CCDC125: variants seen among roughly 807,000 people sequenced by gnomAD.
CCDC125 encodes the protein coiled-coil domain-containing protein 125.
CCDC125 carries 43 observed loss-of-function variants against 57.4 expected under a neutral mutation model. The ratio of observed to expected loss-of-function variants is 0.75; its 90% CI spans 0.59 to 0.97. The LOEUF (loss-of-function observed/expected upper bound fraction) is 0.97, where lower values mean the gene tolerates loss of function less well. CCDC125 is among the 50% of genes least tolerant of loss of function. CCDC125 has a pLI of 0.00. For synonymous variants in CCDC125, 187 were observed against 195.2 expected, an observed-to-expected ratio of 0.96 and a Z score of 0.35; for missense variants, 563 against 595.7, an observed-to-expected ratio of 0.95 and a Z score of 0.57.
intron 3 of CCDC125, chr5:69,313,273 C>T (rs1381986909): frequency 1.7e-6 from 1 of 572,856 alleles, no homozygotes; most frequent in Non-Finnish European, 3.2e-6. Context: ...TGCTGGGATT[C>T]CCCCAGCCCC....
chr5:69,274,133 G>A, the CCDC125 span, among the ~76,000 whole-genome samples: 6 of 152,158 alleles, frequency 3.9e-5, no homozygotes, highest in South Asian at 1.2e-3. Flanking sequence ...CTAGAAAGTT[G>A]TTTTCATTGG....
At chr5:69,321,059 C>T (rs1410256190) in intron 1 of CCDC125, among the ~76,000 whole-genome samples, 3 of 152,068 alleles carry the variant, frequency 2.0e-5, no homozygotes, top group Non-Finnish European at 4.4e-5. Context: ...TCAAAGGGCA[C>T]AAAGTCCTAG....
At chr5:69,321,126 A>G (rs987058455) in intron 1 of CCDC125, among the ~76,000 whole-genome samples, 2 of 152,194 alleles carry the variant, frequency 1.3e-5, no homozygotes, top group Non-Finnish European at 2.9e-5. Flanking sequence ...CATGGTGAAT[A>G]TAACAAAAAT....
intron 9 of CCDC125, among the ~76,000 whole-genome samples, chr5:69,294,522 A>G (rs1755008566): frequency 6.6e-6 from 1 of 152,090 alleles, no homozygotes; most frequent in Non-Finnish European, 1.5e-5. Context: ...TAAACTCCTG[A>G]CCTCAGGTGA....
chr5:69,275,732 G>GGGAGGC (rs1468671388), downstream of CCDC125, among the ~76,000 whole-genome samples: 13 of 152,182 alleles, frequency 8.5e-5, no homozygotes, highest in African/African-American at 3.1e-4. Flanking sequence ...CTAGCTCTTA[G>GGGAGGC]GGAGGCGGAG....
intron 3 of CCDC125, among the ~76,000 whole-genome samples, chr5:69,311,763 T>A (rs1266165721): frequency 6.7e-6 from 1 of 149,290 alleles, no homozygotes; most frequent in Non-Finnish European, 1.5e-5. Flanking sequence ...AGACAGAGTC[T>A]CACTCTGTCA....
At chr5:69,279,636 G>A (rs1458418738), downstream of CCDC125, among the ~76,000 whole-genome samples, 1 of 152,132 alleles carries the variant, frequency 6.6e-6, no homozygotes, top group Non-Finnish European at 1.5e-5. Flanking sequence ...GACAGCAGCA[G>A]TGCATCAAAC....
At chr5:69,316,569 C>CT (rs561877827) in intron 2 of CCDC125, among the ~76,000 whole-genome samples, 2 of 152,152 alleles carry the variant, frequency 1.3e-5, no homozygotes, top group East Asian at 3.9e-4. Flanking sequence ...TTATTTGGGA[C>CT]TTTTTTTCCC....
intron 7 of CCDC125, 57 bp downstream of exon 7, chr5:69,303,790 A>T: frequency 1.0e-6 from 1 of 1,003,772 alleles, no homozygotes; most frequent in Non-Finnish European, 1.5e-6. Flanking sequence ...TTATTTCAAA[A>T]TACTAGCATG....
At chr5:69,318,419 C>G (rs751799784) in intron 2 of CCDC125, among the ~76,000 whole-genome samples, 16 of 151,766 alleles carry the variant, frequency 1.1e-4, no homozygotes, top group Non-Finnish European at 1.8e-4. Flanking sequence ...TGCACTCCAC[C>G]TTAGTGACAC....
At chr5:69,299,904 A>C in intron 8 of CCDC125, 108 bp downstream of exon 8, 1 of 901,798 alleles carries the variant, frequency 1.1e-6, no homozygotes, top group Non-Finnish European at 1.8e-6. Flanking sequence ...TCCCATCCTC[A>C]AATTGCTAAG....
At chr5:69,299,172 C>A (rs559752773) in intron 8 of CCDC125, among the ~76,000 whole-genome samples, 2 of 150,890 alleles carry the variant, frequency 1.3e-5, no homozygotes, top group Non-Finnish European at 2.9e-5. Context: ...TGCAGTGGCG[C>A]GATCTCGGCT....
At chr5:69,291,008 T>G (rs775148082) in intron 10 of CCDC125, among the ~76,000 whole-genome samples, 4 of 152,200 alleles carry the variant, frequency 2.6e-5, no homozygotes, top group Non-Finnish European at 5.9e-5. Flanking sequence ...TGTATTAGTC[T>G]TTCTAAATTC....
rs1760081730 is a variant in CCDC125 at position 69,321,904 on chromosome 5, T to C, written c.-40-1324A>G. Among the ~76,000 whole-genome samples the C allele has an allele frequency of 2.0e-5, 3 of 152,152 alleles. No homozygotes were observed. The South Asian group carries it at 6.2e-4, about 32-fold the overall frequency. Reference sequence around the variant, plus strand: ...CAGGCTAGAGTGTGGTGGCGCAATCTTGACTCACCACAAACTCCGCCTCCC... The same window carrying C: ...CAGGCTAGAGTGTGGTGGCGCAATCCTGACTCACCACAAACTCCGCCTCCC... On this transcript the variant is annotated intron_variant, in intron 1 of 11. Coordinates refer to ENST00000396496, the MANE Select transcript of CCDC125 (RefSeq NM_176816.5).
intron 6 of CCDC125, among the ~76,000 whole-genome samples, chr5:69,305,278 G>T (rs1181126728): frequency 1.3e-5 from 2 of 152,042 alleles, no homozygotes; most frequent in African/African-American, 4.8e-5. Flanking sequence ...CAGTGGCCCA[G>T]TCTCAGGTCC....
At chr5:69,327,238 G>A (rs1279873891) in intron 1 of CCDC125, among the ~76,000 whole-genome samples, 1 of 151,852 alleles carries the variant, frequency 6.6e-6, no homozygotes, top group Non-Finnish European at 1.5e-5. Flanking sequence ...GGGACTACAG[G>A]TGCCCGCCAC....
intron 2 of CCDC125, among the ~76,000 whole-genome samples, chr5:69,319,230 C>A (rs1194253067): frequency 6.6e-6 from 1 of 151,970 alleles, no homozygotes; most frequent in Non-Finnish European, 1.5e-5. Context: ...ACCCGGCCTG[C>A]AGGTTTATTT....
At chr5:69,324,245 T>C (rs1048003904) in intron 1 of CCDC125, among the ~76,000 whole-genome samples, 5 of 152,224 alleles carry the variant, frequency 3.3e-5, no homozygotes, top group African/African-American at 9.6e-5. Flanking sequence ...TCAAAGAAGA[T>C]ACATGGATGG....
At chr5:69,314,829 A>C (rs1758750559) in intron 2 of CCDC125, among the ~76,000 whole-genome samples, 1 of 152,154 alleles carries the variant, frequency 6.6e-6, no homozygotes, top group Non-Finnish European at 1.5e-5. Flanking sequence ...CTCTAAAATA[A>C]AACTGATGTT....
Sources: allele counts gnomAD v4.1 joint callset (sites outside exome capture counted in the v4.1 genomes callset), GRCh38; gene constraint gnomAD v4.1.1; transcripts MANE v1.5; gene names NCBI Gene and HGNC (gene_info 2026-07-23, HGNC 2026-07-21).